HPS5: variants seen among roughly 807,000 people sequenced by gnomAD.
HPS5 encodes BLOC-2 complex member HPS5.
Under a neutral mutation model 128.0 loss-of-function variants are expected in HPS5, and 83 were observed. That is an observed-to-expected ratio of 0.65 (90% CI 0.54 to 0.78). HPS5 has a LOEUF of 0.78. Ranked by LOEUF, HPS5 falls within the 30% of genes least tolerant of loss-of-function variation. HPS5 has a pLI of 0.00. For synonymous variants in HPS5, 475 were observed against 470.2 expected (o/e 1.01, Z -0.13); for missense variants, 1,281 against 1,326.2 (o/e 0.97, Z 0.53).
chr11:18,316,976 C>T (rs1057307141), intron 2 of HPS5, among the ~76,000 whole-genome samples: 4 of 152,018 alleles, frequency 2.6e-5, no homozygotes, highest in African/African-American at 9.7e-5. Flanking sequence ...GGGCAGATCA[C>T]GAGGTCAGGA....
rs781340766 is a variant in HPS5, at chr11:18,281,930, G to A, written c.3329+20C>T. 2.5e-6 allele frequency: 4 copies of A among 1,614,004 alleles called. No homozygotes were observed. The highest frequency in any genetic ancestry group is 3.3e-5 in the Admixed American group (2 of 60,018). The stretch of plus-strand genomic sequence containing the variant: ...ACCTTCTCCAAGCACTATGCAGAGG[G>A]TAGGACAAACTGATATTACCTCTGC... On this transcript the variant is annotated intron_variant, in intron 22 of 22. Transcript: ENST00000349215.
In HPS5 at chr11:18,298,944, T is replaced by G. The variant is rs144134556; in HGVS notation, c.1012A>C (p.Asn338His). The change falls in exon 10 of 23, where the codon AAT becomes CAT. Residue 338 changes from asparagine (N) to histidine (H), a missense_variant. Asn to His is a moderately conservative substitution (Grantham distance 68, BLOSUM62 1). Coordinates refer to ENST00000349215, the MANE Select transcript of HPS5 (RefSeq NM_181507.2). ...TTTAGGTGCAAACAGAACAATTCATTCCTACAGACAGCCACATCCTGAATA... is the reference window on the plus strand; with the variant it reads ...TTTAGGTGCAAACAGAACAATTCATGCCTACAGACAGCCACATCCTGAATA... ...KDIQDVAVCRNELFCLHLNGK... is the reference protein window; with the variant it reads ...KDIQDVAVCRHELFCLHLNGK... The G allele has an allele frequency of 1.8e-4, 288 of 1,614,048 alleles. No homozygotes were observed. Among genetic ancestry groups the G allele is most frequent in the Non-Finnish European group, 2.3e-4 (269 of 1,180,032 alleles).
chr11:18,297,864 G>A (rs568881015), intron 10 of HPS5, 147 bp from the exon 11 acceptor site: 85 of 713,002 alleles, frequency 1.2e-4, no homozygotes, highest in East Asian at 1.1e-3. Flanking sequence ...CAGATCCCCC[G>A]AGGTCAGGAG....
intron 6 of HPS5, among the ~76,000 whole-genome samples, chr11:18,308,051 C>T (rs74828299): frequency 1.3e-5 from 2 of 152,012 alleles, no homozygotes; most frequent in Admixed American, 6.6e-5. Flanking sequence ...AGCTGCCAGG[C>T]CCAGTGAAAA....
At chr11:18,310,984 A>G (rs1862913353) in intron 4 of HPS5, 51 bp from the exon 5 acceptor site, 1 of 1,385,008 alleles carries the variant, frequency 7.2e-7, no homozygotes. Context: ...AACAAGGTAC[A>G]ATTTTGTTGC....
At position 18,311,511 on chromosome 11, in the gene HPS5, A is replaced by ATTTTT. The variant is rs11376847; in HGVS notation, c.220-65_220-61dup. 1.7e-3 allele frequency: 901 copies of ATTTTT among 531,252 alleles called. 3 individuals carry two copies. Among genetic ancestry groups the ATTTTT allele is most frequent in the South Asian group, 4.1e-3 (122 of 29,688 alleles). The allele number at this position is 531,252 out of a possible 1,614,324, so 32.9% of individuals were successfully genotyped here. A position where few individuals can be genotyped will look rare whatever the true frequency, so the allele number is the denominator to read the frequency against. ...CAAGTTTTACATTATTATTATTATT[A>ATTTTT]TTTTTTTTTTTTTTTTTGAGACTGA... On this transcript the variant is annotated intron_variant, in intron 3 of 22. Coordinates refer to ENST00000349215, the MANE Select transcript of HPS5 (RefSeq NM_181507.2).
Position 18,291,864 on chromosome 11 carries a change from A to T in HPS5, c.2018T>A (p.Val673Glu). 2.5e-6 allele frequency: 4 copies of T among 1,608,764 alleles called. No individual in the cohort carries two copies. The highest frequency in any genetic ancestry group is 3.4e-6 in the Non-Finnish European group (4 of 1,177,262). The change falls in exon 16 of 23, where the codon GTG becomes GAG. Residue 673 changes from valine to glutamate, a missense_variant. By Grantham distance (121) the Val-to-Glu change is moderately radical. Coordinates refer to ENST00000349215, the MANE Select transcript of HPS5 (RefSeq NM_181507.2). ...DNSSMKLNQD[V>E]LLVNESKKGI... is the part of the protein sequence containing the mutation. ...CTTTTTTGATTCATTAACTAATAGC[A>T]CATCCTGGTTCAATTTCATGGATGA...
rs756531253 is a variant in HPS5, at chr11:18,310,863, A to G, written c.355T>C (p.Ser119Pro). 2.5e-6 allele frequency: 4 copies of G among 1,609,748 alleles called. No homozygotes were observed. The East Asian group carries it at 9.0e-5, about 36-fold the overall frequency. Reference protein sequence around the residue: ...RGKPEQMYVSSEHKGRRVTAL... With the variant: ...RGKPEQMYVSPEHKGRRVTAL... ...GTGACTCTTCGGCCTTTGTGTTCTGAAGACACATACATTTGTTCCGGTTTC... is the reference window on the plus strand; with the variant it reads ...GTGACTCTTCGGCCTTTGTGTTCTGGAGACACATACATTTGTTCCGGTTTC... The change falls in exon 5 of 23, where the codon TCA becomes CCA. Residue 119 changes from serine to proline, a missense_variant. Physicochemically the swap from Ser to Pro is moderately conservative, Grantham distance 74. Transcript: ENST00000349215.
In HPS5 at chr11:18,291,691, T is replaced by A. The variant is rs557601138; in HGVS notation, c.2191A>T (p.Ser731Cys). 3 of 1,614,214 alleles carry A rather than the reference T, an allele frequency of 1.9e-6. No individual in the cohort carries two copies. The Admixed American group carries it at 5.0e-5, about 27-fold the overall frequency. The change falls in exon 16 of 23, where the codon AGT becomes TGT. Residue 731 changes from serine to cysteine, a missense_variant. Coordinates refer to ENST00000349215, the MANE Select transcript of HPS5 (RefSeq NM_181507.2). ...FQICSPCAIA[S>C]GLRNDLAELT... ...TCAGCCAGGTCGTTCCGAAGACCAC[T>A]TGCAATGGCGCATGGAGAACATATT...
chr11:18,321,913 C>A (rs1864419881), intron 1 of HPS5, 33 bp downstream of exon 1: 1 of 152,268 alleles, frequency 6.6e-6, no homozygotes, highest in African/African-American at 2.4e-5. Context: ...AATCCCTACC[C>A]ACAAAAAGCT....
chr11:18,291,895 C>T lies in HPS5; in HGVS notation c.1987G>A (p.Asp663Asn). ...MKDFSGVSDT[D>N]NSSMKLNQDV... is the part of the protein sequence containing the mutation. Reference sequence around the variant, plus strand: ...TGGTTCAATTTCATGGATGAGTTGTCAGTATCTGAAACACCTGAAAAGTCC... The same window carrying T: ...TGGTTCAATTTCATGGATGAGTTGTTAGTATCTGAAACACCTGAAAAGTCC... The change falls in exon 16 of 23, where the codon GAC becomes AAC. Residue 663 changes from aspartate (D) to asparagine (N), a missense_variant. Coordinates refer to ENST00000349215, the MANE Select transcript of HPS5 (RefSeq NM_181507.2). 1 of 1,607,476 alleles carries T rather than the reference C, an allele frequency of 6.2e-7. No individual in the cohort carries two copies. Among genetic ancestry groups the T allele is most frequent in the Non-Finnish European group, 8.5e-7 (1 of 1,176,854 alleles).
rs1858569703 is a variant in HPS5, at chr11:18,279,158, T to C, written c.*724A>G. 1 of 152,264 alleles carries C rather than the reference T, an allele frequency of 6.6e-6. No individual in the cohort carries two copies. The highest frequency in any genetic ancestry group is 6.5e-5 in the Admixed American group (1 of 15,280). The allele number at this position is 152,264 out of a possible 1,614,324, so 9.4% of individuals were successfully genotyped here. On this transcript the variant is annotated 3_prime_UTR_variant, in exon 23 of 23. Coordinates refer to ENST00000349215, the MANE Select transcript of HPS5 (RefSeq NM_181507.2). The stretch of plus-strand genomic sequence containing the variant: ...TGTGCAATGGCACAAACACATCTCA[T>C]TGCGGCCTGGACCTCCTGGCCTCAG...
At chr11:18,303,332 T>G (rs1293241002) in intron 8 of HPS5, among the ~76,000 whole-genome samples, 3 of 152,162 alleles carry the variant, frequency 2.0e-5, no homozygotes, top group East Asian at 1.9e-4. Flanking sequence ...AGTAAGACAG[T>G]GGCAATGATA....
chr11:18,317,652 A>G, intron 2 of HPS5, 99 bp downstream of exon 2: 1 of 1,170,176 alleles, frequency 8.5e-7, no homozygotes, highest in South Asian at 1.3e-5. Flanking sequence ...ACAGGTAAGA[A>G]CACCCAAGAT....
At chr11:18,287,830 A>G (rs1859924584) in intron 17 of HPS5, 63 bp downstream of exon 17, 2 of 1,608,574 alleles carry the variant, frequency 1.2e-6, no homozygotes, top group African/African-American at 1.3e-5. Context: ...CATGTTAGAG[A>G]CTAAAATACA....
intron 16 of HPS5, among the ~76,000 whole-genome samples, chr11:18,290,364 C>T (rs1860247932): frequency 6.6e-6 from 1 of 152,220 alleles, no homozygotes; most frequent in Non-Finnish European, 1.5e-5. Context: ...TAAGATCTCT[C>T]TCTGCCTCAG....
chr11:18,308,108 A>G (rs1862573022), intron 6 of HPS5, among the ~76,000 whole-genome samples: 2 of 152,208 alleles, frequency 1.3e-5, no homozygotes, highest in African/African-American at 2.4e-5. Context: ...ATGGCTGAGA[A>G]CTTTGGCATA....
At position 18,311,579 on chromosome 11, in the gene HPS5, C is replaced by G. The variant is rs532447068; in HGVS notation, c.220-128G>C. 10 of 576,382 alleles carry G rather than the reference C, an allele frequency of 1.7e-5. No homozygotes were observed. The East Asian group carries it at 1.8e-4, about 10-fold the overall frequency. The allele number at this position is 576,382 out of a possible 1,614,324, so 35.7% of individuals were successfully genotyped here. ...AGGCTGGGGAGCAATGGTGCGATCT[C>G]GGCTCACTGCAACCTCCACTTCCTG... On this transcript the variant is annotated intron_variant, in intron 3 of 22. Coordinates refer to ENST00000349215, the MANE Select transcript of HPS5 (RefSeq NM_181507.2).
chr11:18,284,722 AG>A (rs1859466083), intron 20 of HPS5, among the ~76,000 whole-genome samples: 1 of 152,222 alleles, frequency 6.6e-6, no homozygotes, highest in Non-Finnish European at 1.5e-5. Flanking sequence ...AGACATTATG[AG>A]GGAAAAGAAA....
Sources: gnomAD v4.1 joint callset for allele counts (sites outside exome capture counted in the v4.1 genomes callset) on GRCh38, gnomAD v4.1.1 for gene constraint, MANE v1.5 for transcripts, NCBI Gene and HGNC (gene_info 2026-07-23, HGNC 2026-07-21) for gene names.